Variants in ST3GAL5 observed in about 807,000 individuals in gnomAD.
ST3GAL5 encodes lactosylceramide alpha-2,3-sialyltransferase.
Under a neutral mutation model 46.1 loss-of-function variants are expected in ST3GAL5, and 25 were observed. That is an observed-to-expected ratio of 0.54 (90% CI 0.40 to 0.76). ST3GAL5 has a LOEUF of 0.76. Ranked by LOEUF, ST3GAL5 falls within the 30% of genes least tolerant of loss-of-function variation. The pLI is 0.00. For synonymous variants in ST3GAL5, 182 were observed against 192.7 expected, an observed-to-expected ratio of 0.94 and a Z score of 0.46; for missense variants, 431 against 521.2, an observed-to-expected ratio of 0.83 and a Z score of 1.69.
intron 2 of ST3GAL5, among the ~76,000 whole-genome samples, chr2:85,862,142 GT>G (rs1430646755): frequency 6.6e-6 from 1 of 152,062 alleles, no homozygotes; most frequent in Non-Finnish European, 1.5e-5. Context: ...TGCTGGGAGT[GT>G]TTTAAAAACT....
Position 85,840,351 on chromosome 2 carries a change from T to C in ST3GAL5, c.1050A>G (p.Thr350=). ...TIGVIAVVLA[T]HLCDEVSLAG... ...CCAAACTGACTTCATCGCACAGATG[T>C]GTGGCTAAGACAACGGCAATGACAC... Residue 350 remains threonine (T), a synonymous_variant, in exon 7 of 7, where the codon ACA becomes ACG. Transcript: ENST00000638572. 6.2e-7 allele frequency: 1 copy of C among 1,614,018 alleles called. No individual in the cohort carries two copies. The highest frequency in any genetic ancestry group is 8.5e-7 in the Non-Finnish European group (1 of 1,179,972).
In ST3GAL5 at chr2:85,839,318, T is replaced by C. The variant is rs1681733011; in HGVS notation, c.*826A>G. 1 of 152,200 alleles carries C rather than the reference T, an allele frequency of 6.6e-6. No individual in the cohort carries two copies. The highest frequency in any genetic ancestry group is 2.4e-5 in the African/African-American group (1 of 41,452). 9.4% of individuals were successfully genotyped at this position (152,200 alleles called of 1,614,324 possible). A position where few individuals can be genotyped will look rare whatever the true frequency, so the allele number is the denominator to read the frequency against. On this transcript the variant is annotated 3_prime_UTR_variant, in exon 7 of 7. Transcript: ENST00000638572. ...AACATTATTCCTGGAAAGGGTGTAC[T>C]CTCCCATGACTCTGGATAATAGAAG...
chr2:85,859,316 A>C (rs904955949), intron 3 of ST3GAL5, among the ~76,000 whole-genome samples: 1 of 152,202 alleles, frequency 6.6e-6, no homozygotes, highest in Admixed American at 6.5e-5. Context: ...TCCATCAGTA[A>C]GCCATACCAA....
intron 2 of ST3GAL5, among the ~76,000 whole-genome samples, chr2:85,861,645 T>TAAAAAAAAAAAAAA (rs3046643): frequency 6.5e-5 from 8 of 123,760 alleles, no homozygotes; most frequent in Middle Eastern, 4.0e-3. Flanking sequence ...TGTCAGTCCT[T>TAAAAAAAAAAAAAA]AAAAAAAAAA....
At chr2:85,859,227 G>C (rs1456462664) in intron 3 of ST3GAL5, among the ~76,000 whole-genome samples, 3 of 152,190 alleles carry the variant, frequency 2.0e-5, no homozygotes, top group Non-Finnish European at 4.4e-5. Context: ...CAGTTGGTCA[G>C]ATGGTAATGG....
intron 1 of ST3GAL5, among the ~76,000 whole-genome samples, chr2:85,864,001 C>T (rs1324309977): frequency 1.3e-5 from 2 of 152,076 alleles, no homozygotes; most frequent in African/African-American, 2.4e-5. Context: ...CCACTGCACC[C>T]GGCTGATTTT....
chr2:85,853,076 C>T (rs1000293412), intron 3 of ST3GAL5: 12 of 1,304,028 alleles, frequency 9.2e-6, no homozygotes, highest in African/African-American at 1.5e-5. Flanking sequence ...CAATGCCATC[C>T]GCAGGGAGAT....
chr2:85,852,132 A>G (rs1387197862), intron 3 of ST3GAL5, among the ~76,000 whole-genome samples: 2 of 152,208 alleles, frequency 1.3e-5, no homozygotes. Flanking sequence ...AAGTGGCATA[A>G]TTCTTAGTAA....
rs975117684 is a variant in ST3GAL5, at chr2:85,866,356, T to C, written c.83-2871A>G. ...CTGCCAATAATACCTCCTGAATTTT[T>C]CCTGTTCACTACATGCCTTTAATAG... On this transcript the variant is annotated intron_variant, in intron 1 of 6. Transcript: ENST00000638572. 7.2e-5 allele frequency among the ~76,000 whole-genome samples: 11 copies of C among 152,232 alleles called. No individual in the cohort carries two copies. In the East Asian group the frequency reaches 2.1e-3, roughly 29 times the overall value.
chr2:85,879,248 G>A (rs751660382), intron 1 of ST3GAL5, among the ~76,000 whole-genome samples: 2 of 152,120 alleles, frequency 1.3e-5, no homozygotes, highest in Non-Finnish European at 2.9e-5. Context: ...TGTGGAGGAG[G>A]AAGGTGCCAC....
intron 1 of ST3GAL5, among the ~76,000 whole-genome samples, chr2:85,876,010 G>A (rs1686523071): frequency 6.6e-6 from 1 of 152,154 alleles, no homozygotes; most frequent in African/African-American, 2.4e-5. Context: ...TGGGGCTGAG[G>A]AAGGACCCTC....
At position 85,848,169 on chromosome 2, in the gene ST3GAL5, CT is replaced by C. The variant is rs754643632; in HGVS notation, c.353del (p.Lys118ArgfsTer70). On this transcript the variant is annotated frameshift_variant, in exon 4 of 7. Transcript: ENST00000638572. LOFTEE classifies it high-confidence loss of function. ...TCTTGGCAAACTTGGGACGACATTC[CT>C]TCTGCAAGACTTGCTGAGCATATTT... is the stretch of plus-strand genomic sequence containing the variant. ...AQKYAQQVLQ[K>X]ECRPKFAKTS... The C allele has an allele frequency of 3.9e-5, 63 of 1,614,086 alleles. No homozygotes were observed. The highest frequency in any genetic ancestry group is 5.2e-5 in the Non-Finnish European group (61 of 1,180,050).
intron 6 of ST3GAL5, 35 bp downstream of exon 6, chr2:85,844,361 A>G (rs776293387): frequency 5.0e-6 from 8 of 1,613,986 alleles, no homozygotes; most frequent in Non-Finnish European, 5.9e-6. Flanking sequence ...CCCCTCAAAC[A>G]GGGAATGATT....
At chr2:85,842,744 T>C (rs994896015) in intron 6 of ST3GAL5, among the ~76,000 whole-genome samples, 1 of 152,016 alleles carries the variant, frequency 6.6e-6, no homozygotes, top group East Asian at 1.9e-4. Flanking sequence ...ATACTTTTAT[T>C]GTTAAAGTGT....
intron 3 of ST3GAL5, 181 bp downstream of exon 3, chr2:85,860,999 GT>G: frequency 1.6e-6 from 1 of 611,262 alleles, no homozygotes; most frequent in Non-Finnish European, 3.0e-6. Context: ...CTGTGGAGTA[GT>G]TAGTGGTGGG....
intron 1 of ST3GAL5, among the ~76,000 whole-genome samples, chr2:85,865,361 GTT>G (rs201034997): frequency 6.7e-6 from 1 of 149,330 alleles, no homozygotes; most frequent in Non-Finnish European, 1.5e-5. Context: ...AGGCATTCAA[GTT>G]TTTTTTTTCT....
intron 1 of ST3GAL5, among the ~76,000 whole-genome samples, chr2:85,885,433 C>G (rs1160625301): frequency 7.2e-5 from 11 of 152,210 alleles, no homozygotes; most frequent in Admixed American, 7.2e-4. Context: ...CAGGTAGAAA[C>G]TGATCCTGAC....
chr2:85,841,037 AAT>A lies in ST3GAL5; in HGVS notation c.1009-647_1009-646del, dbSNP rs1454632678. Reference sequence around the variant, plus strand: ...GATGCCCAGAATCATTAAAAAAAAAAATAAAAAAAAAAGCCTACTTCCTCTCT... The same window carrying A: ...GATGCCCAGAATCATTAAAAAAAAAAAAAAAAAAAAGCCTACTTCCTCTCT... On this transcript the variant is annotated intron_variant, in intron 6 of 6. Transcript: ENST00000638572. Among the ~76,000 whole-genome samples, 334 of 150,444 alleles carry A rather than the reference AAT, an allele frequency of 2.2e-3. 2 individuals carry two copies. Among genetic ancestry groups the A allele is most frequent in the African/African-American group, 7.5e-3 (308 of 40,842 alleles).
Position 85,888,970 on chromosome 2 carries a change from C to T in ST3GAL5, c.-65G>A, listed in dbSNP as rs934743406. ...CCGCGCCCCCACCCGCCCCCAGCGC[C>T]GCTCTCGCGCCCATTCAGCTGGGGG... On this transcript the variant is annotated 5_prime_UTR_variant, in exon 1 of 7. Coordinates refer to ENST00000638572, the MANE Select transcript of ST3GAL5 (RefSeq NM_003896.4). The T allele has an allele frequency of 4.2e-6, 5 of 1,200,042 alleles. No individual in the cohort carries two copies. Among genetic ancestry groups the T allele is most frequent in the Admixed American group, 4.4e-5 (1 of 22,670 alleles). 74.3% of individuals were successfully genotyped at this position (1,200,042 alleles called of 1,614,324 possible). A position where few individuals can be genotyped will look rare whatever the true frequency, so the allele number is the denominator to read the frequency against.
Sources: allele counts gnomAD v4.1 joint callset (sites outside exome capture counted in the v4.1 genomes callset), GRCh38; gene constraint gnomAD v4.1.1; transcripts MANE v1.5; gene names NCBI Gene and HGNC (gene_info 2026-07-23, HGNC 2026-07-21).